Variants in TTC3 observed in about 807,000 individuals in gnomAD.
TTC3 encodes E3 ubiquitin-protein ligase TTC3.
Under a neutral mutation model 249.6 loss-of-function variants are expected in TTC3, and 180 were observed. The observed-to-expected ratio is 0.72, with a 90% CI of 0.64 to 0.82. The LOEUF is 0.82. Ranked by LOEUF, TTC3 falls within the 40% of genes least tolerant of loss-of-function variation. TTC3 has a pLI of 0.00. For missense variants in TTC3, 2,061 were observed against 2,398.4 expected, an observed-to-expected ratio of 0.86 and a Z score of 2.94; for synonymous variants, 717 against 805.0, an observed-to-expected ratio of 0.89 and a Z score of 1.85.
chr21:37,168,512 ATACTT>A (rs1426255034), intron 34 of TTC3, among the ~76,000 whole-genome samples: 1 of 152,190 alleles, frequency 6.6e-6, no homozygotes, highest in Non-Finnish European at 1.5e-5. Flanking sequence ...AAGAGATAAA[ATACTT>A]AAATGTATAT....
chr21:37,176,029 C>T (rs752240355), intron 35 of TTC3, among the ~76,000 whole-genome samples: 6 of 152,154 alleles, frequency 3.9e-5, no homozygotes, highest in Non-Finnish European at 7.4e-5. Flanking sequence ...CCTCGGCTTC[C>T]CAAAGTGCTG....
chr21:37,201,672 G>A, exon 46 of TTC3: 2 of 1,464,706 alleles, frequency 1.4e-6, no homozygotes, highest in South Asian at 1.3e-5. Context: ...AGACCCTTGT[G>A]CATTGTGTGT....
At chr21:37,128,743 C>G (rs1424113570) in intron 15 of TTC3, among the ~76,000 whole-genome samples, 2 of 152,136 alleles carry the variant, frequency 1.3e-5, no homozygotes, top group Non-Finnish European at 2.9e-5. Context: ...CAGGAGTTAT[C>G]TCCTGTATCT....
In TTC3 at chr21:37,182,831, TG is replaced by T; in HGVS notation, c.4677del (p.Trp1559CysfsTer12). 1 of 1,594,380 alleles carries T rather than the reference TG, an allele frequency of 6.3e-7. No individual in the cohort carries two copies. On this transcript the variant is annotated frameshift_variant, in exon 36 of 46. Coordinates refer to ENST00000355666, the Ensembl canonical transcript of TTC3. LOFTEE classifies it high-confidence loss of function. ...AGATTTGGAAAGAGAAATTAAAAAA[TG>T]GCAACAGGAAAAAAAAGAAATCCAA...
intron 10 of TTC3, chr21:37,097,843 G>T: frequency 1.7e-6 from 1 of 604,220 alleles, no homozygotes; most frequent in Non-Finnish European, 3.0e-6. Context: ...GGTGGGAGTG[G>T]GGAAGGTAGT....
At chr21:37,192,075 A>G (rs146082479) in intron 40 of TTC3, 37 bp from the exon 41 acceptor site, 1,806 of 1,276,226 alleles carry the variant, frequency 1.4e-3, no homozygotes, top group Non-Finnish European at 1.9e-3. Context: ...ATTAATTGAC[A>G]ATTGTGGTTT....
chr21:37,085,843 G>A (rs941677959), intron 1 of TTC3: 7 of 152,192 alleles, frequency 4.6e-5, no homozygotes, highest in Non-Finnish European at 7.3e-5. Context: ...AGATAAATAG[G>A]TGACAATGAC....
At chr21:37,198,708 A>G (rs55679716) in intron 44 of TTC3, among the ~76,000 whole-genome samples, 3,185 of 151,990 alleles carry the variant, frequency 0.021, 106 homozygotes, top group African/African-American at 0.073. Context: ...GCATTTAAAA[A>G]CCCGCCCTGT....
At chr21:37,182,683 G>A (rs1394174622) in intron 35 of TTC3, 91 bp from the exon 36 acceptor site, 25 of 1,299,312 alleles carry the variant, frequency 1.9e-5, no homozygotes, top group Non-Finnish European at 2.5e-5. Flanking sequence ...CATTGTTTAA[G>A]CTATGGCACC....
chr21:37,161,978 C>A lies in TTC3; in HGVS notation c.3097-12C>A. On this transcript the variant is annotated splice_polypyrimidine_tract_variant and intron_variant, in intron 30 of 45. Transcript: ENST00000355666. ...TAGAAAATCATTGTCATTTTTCTGT[C>A]TTTTAAACCAGCCTATGTTAGTTGG... 6.5e-7 allele frequency: 1 copy of A among 1,537,412 alleles called. No homozygotes were observed.
chr21:37,143,786 A>T lies in TTC3; in HGVS notation c.1773-739A>T, dbSNP rs563530503. Among the ~76,000 whole-genome samples, 110 of 135,684 alleles carry T rather than the reference A, an allele frequency of 8.1e-4. 1 individual carries two copies. The highest frequency in any genetic ancestry group is 7.7e-4 in the Admixed American group (10 of 13,056). The allele number at this position is 135,684 out of a possible 152,430, so 89.0% of individuals were successfully genotyped here. A position where few individuals can be genotyped will look rare whatever the true frequency, so the allele number is the denominator to read the frequency against. On this transcript the variant is annotated intron_variant, in intron 20 of 45. Transcript: ENST00000355666. ...ATAAATCATGCTGCTATAAAGACAC[A>T]TGCACACATATGTTTATTGCGGCAC...
At chr21:37,188,183 A>G (rs1003421768) in intron 38 of TTC3, 3 of 184,386 alleles carry the variant, frequency 1.6e-5, no homozygotes, top group South Asian at 1.3e-4. Flanking sequence ...ACCATAGGTA[A>G]TGCACACTCG....
At chr21:37,109,512 G>A (rs1395601358) in intron 11 of TTC3, among the ~76,000 whole-genome samples, 1 of 152,248 alleles carries the variant, frequency 6.6e-6, no homozygotes, top group Non-Finnish European at 1.5e-5. Flanking sequence ...CGAGGCTGGA[G>A]GAGGGGCGCC....
rs768952890 is a variant in TTC3 at position 37,172,781 on chromosome 21, G to T, written c.4617+37G>T. ...TGAAACCTGTCTTTAATTGCATGTA[G>T]CATAGTTAGGAGAATGTGAGTGTAG... On this transcript the variant is annotated intron_variant, in intron 35 of 45. Coordinates refer to ENST00000355666, the Ensembl canonical transcript of TTC3. 6.8e-6 allele frequency: 11 copies of T among 1,608,538 alleles called. No individual in the cohort carries two copies. The East Asian group carries it at 2.5e-4, about 36-fold the overall frequency.
intron 35 of TTC3, among the ~76,000 whole-genome samples, chr21:37,174,475 C>T (rs2082067397): frequency 6.7e-6 from 1 of 149,848 alleles, no homozygotes; most frequent in Admixed American, 6.7e-5. Flanking sequence ...TGGTTACGCT[C>T]ATAGCTCATG....
chr21:37,085,484 G>A (rs1206906294), intron 1 of TTC3, among the ~76,000 whole-genome samples: 2 of 152,198 alleles, frequency 1.3e-5, no homozygotes, highest in Non-Finnish European at 2.9e-5. Flanking sequence ...TGAGAATGGA[G>A]GATTCAGATG....
intron 44 of TTC3, 133 bp downstream of exon 44, chr21:37,198,158 T>G (rs2085120516): frequency 8.8e-7 from 1 of 1,133,568 alleles, no homozygotes; most frequent in Non-Finnish European, 1.2e-6. Context: ...AATTTCAATG[T>G]ACTTGAATGT....
chr21:37,091,564 T>TATTATTA (rs1351465765), intron 7 of TTC3, 151 bp downstream of exon 7: 4 of 273,660 alleles, frequency 1.5e-5, no homozygotes, highest in Non-Finnish European at 1.7e-5. Flanking sequence ...AATTTCTTTT[T>TATTATTA]TTTATTATTT....
At chr21:37,126,545 G>T (rs551701348) in intron 15 of TTC3, among the ~76,000 whole-genome samples, 2 of 152,132 alleles carry the variant, frequency 1.3e-5, no homozygotes, top group East Asian at 3.9e-4. Context: ...TGTACCATAT[G>T]TGCATCTGCG....
Sources: gnomAD v4.1 joint callset for allele counts (sites outside exome capture counted in the v4.1 genomes callset) on GRCh38, gnomAD v4.1.1 for gene constraint, MANE v1.5 for transcripts, NCBI Gene and HGNC (gene_info 2026-07-23, HGNC 2026-07-21) for gene names.